EML1: variants seen among roughly 807,000 people sequenced by gnomAD.
EML1 encodes the protein EMAP like 1, also known as echinoderm microtubule-associated protein-like 1.
EML1 carries 27 observed loss-of-function variants against 110.4 expected under a neutral mutation model. The ratio of observed to expected loss-of-function variants is 0.24; its 90% CI spans 0.18 to 0.34. EML1 has a LOEUF of 0.34. Among genes scored for constraint, EML1 ranks in the 10% least tolerant of loss-of-function variants. The pLI is 1.00. For synonymous variants in EML1, 344 were observed against 385.8 expected, an observed-to-expected ratio of 0.89 and a Z score of 1.27; for missense variants, 741 against 1,030.9, an observed-to-expected ratio of 0.72 and a Z score of 3.85.
intron 1 of EML1, among the ~76,000 whole-genome samples, chr14:99,843,120 G>A (rs1231097721): frequency 6.6e-6 from 1 of 152,088 alleles, no homozygotes; most frequent in Non-Finnish European, 1.5e-5. Flanking sequence ...TAGATGTGGT[G>A]GTGTGCATCT....
At chr14:99,917,963 T>C in intron 16 of EML1, 114 bp downstream of exon 16, 1 of 1,001,188 alleles carries the variant, frequency 1.0e-6, no homozygotes, top group Non-Finnish European at 1.5e-6. Context: ...GTTCGAAGCT[T>C]CTAATGACTT....
chr14:99,898,662 G>GA (rs1454254192), intron 8 of EML1, among the ~76,000 whole-genome samples: 2 of 150,920 alleles, frequency 1.3e-5, no homozygotes, highest in East Asian at 3.9e-4. Flanking sequence ...TGAAGCAGGA[G>GA]AATCACTTGA....
In EML1 at chr14:99,922,393, G is replaced by T. The variant is rs555658918; in HGVS notation, c.1909+1516G>T. Among the ~76,000 whole-genome samples, 174 of 152,258 alleles carry T rather than the reference G, an allele frequency of 1.1e-3. 1 individual carries two copies. The highest frequency in any genetic ancestry group is 4.1e-3 in the Admixed American group (62 of 15,298). Reference sequence around the variant, plus strand: ...GGCCTCCCAAAGTGCTGGGTTTACAGGCGTGAGCCACCGCACCCTGGCCTT... The same window carrying T: ...GGCCTCCCAAAGTGCTGGGTTTACATGCGTGAGCCACCGCACCCTGGCCTT... On this transcript the variant is annotated intron_variant, in intron 17 of 21. Transcript: ENST00000262233.
intron 1 of EML1, among the ~76,000 whole-genome samples, chr14:99,804,972 A>G (rs1377271110): frequency 6.6e-6 from 1 of 152,050 alleles, no homozygotes; most frequent in Non-Finnish European, 1.5e-5. Flanking sequence ...GTAGCTTCTG[A>G]AGGTGCCAGG....
chr14:99,881,695 G>A (rs928690186), intron 4 of EML1, among the ~76,000 whole-genome samples: 1 of 151,602 alleles, frequency 6.6e-6, no homozygotes, highest in African/African-American at 2.4e-5. Flanking sequence ...CTGCCTCTTG[G>A]GTTCAAGAGA....
At chr14:99,819,209 C>T (rs548328546) in intron 1 of EML1, among the ~76,000 whole-genome samples, 39 of 152,234 alleles carry the variant, frequency 2.6e-4, no homozygotes, top group African/African-American at 8.9e-4. Flanking sequence ...TTCACCTTGG[C>T]CTCCCAAGGT....
intron 2 of EML1, among the ~76,000 whole-genome samples, chr14:99,853,459 C>T (rs1434620277): frequency 1.3e-5 from 2 of 151,936 alleles, no homozygotes; most frequent in Non-Finnish European, 2.9e-5. Context: ...ATCTTTGAGG[C>T]AGCTGCCACG....
At chr14:99,841,916 G>A (rs4905903) in intron 1 of EML1, among the ~76,000 whole-genome samples, 103,401 of 152,044 alleles carry the variant, frequency 0.68, 35,255 homozygotes, top group Non-Finnish European at 0.7. Context: ...CAGCCCAACC[G>A]GAGCTCCAGT....
chr14:99,797,645 A>C (rs988150696), intron 1 of EML1, among the ~76,000 whole-genome samples: 1 of 152,238 alleles, frequency 6.6e-6, no homozygotes, highest in Non-Finnish European at 1.5e-5. Flanking sequence ...AATGTTGCTC[A>C]TGCATTTCCA....
At chr14:99,873,718 T>C (rs2059242320) in intron 3 of EML1, among the ~76,000 whole-genome samples, 1 of 152,256 alleles carries the variant, frequency 6.6e-6, no homozygotes, top group Non-Finnish European at 1.5e-5. Flanking sequence ...GAAAAATGAC[T>C]TGGATTTTGC....
chr14:99,758,700 C>T (rs1420035531), intron 1 of EML1, among the ~76,000 whole-genome samples: 1 of 152,144 alleles, frequency 6.6e-6, no homozygotes, highest in Non-Finnish European at 1.5e-5. Flanking sequence ...CACAGCGGGT[C>T]CTCATAAATT....
intron 1 of EML1, among the ~76,000 whole-genome samples, chr14:99,782,090 G>C (rs1397773473): frequency 6.6e-6 from 1 of 152,176 alleles, no homozygotes; most frequent in African/African-American, 2.4e-5. Flanking sequence ...CCTGTCCCCA[G>C]CCAGGGTGTC....
chr14:99,862,966 C>T (rs1323152450), intron 2 of EML1, among the ~76,000 whole-genome samples: 1 of 152,142 alleles, frequency 6.6e-6, no homozygotes, highest in East Asian at 1.9e-4. Flanking sequence ...TTTATACTTA[C>T]ATGTCTGCAT....
chr14:99,750,018 G>T (rs868435808), intron 1 of EML1, among the ~76,000 whole-genome samples: 1 of 152,234 alleles, frequency 6.6e-6, no homozygotes, highest in African/African-American at 2.4e-5. Context: ...GTGTCCTCCC[G>T]CGAGGTTGGC....
At chr14:99,911,674 GT>G in intron 13 of EML1, 98 bp downstream of exon 13, 1 of 1,393,820 alleles carries the variant, frequency 7.2e-7, no homozygotes, top group South Asian at 1.4e-5. Context: ...TTTGAAAATT[GT>G]TTAGGTGAAA....
intron 2 of EML1, among the ~76,000 whole-genome samples, chr14:99,857,007 C>T (rs765656700): frequency 3.3e-5 from 5 of 152,198 alleles, no homozygotes; most frequent in Non-Finnish European, 5.9e-5. Flanking sequence ...CATGGTGGCT[C>T]ATGCCTGTAA....
At position 99,936,668 on chromosome 14, in the gene EML1, C is replaced by T. The variant is rs908733272; in HGVS notation, c.2095+334C>T. Among the ~76,000 whole-genome samples, 2 of 151,938 alleles carry T rather than the reference C, an allele frequency of 1.3e-5. No homozygotes were observed. The highest frequency in any genetic ancestry group is 2.1e-4 in the South Asian group (1 of 4,820). ...TGGATGTGGCCGAAGTGGGTGGGTC[C>T]GGAGCTGTCCAGGCAGGAGGAGGGC... On this transcript the variant is annotated intron_variant, in intron 19 of 21. Transcript: ENST00000262233. This position sits in a 1 kb window ranked among gnomAD's most constrained non-coding sequence, Gnocchi z 5.5.
chr14:99,879,389 T>TTTA (rs1360795896), intron 4 of EML1, among the ~76,000 whole-genome samples: 3 of 152,222 alleles, frequency 2.0e-5, no homozygotes, highest in Non-Finnish European at 4.4e-5. Context: ...TTATTCTCTC[T>TTTA]GTTTAGTAAA....
chr14:99,861,736 C>G (rs1409258578), intron 2 of EML1, among the ~76,000 whole-genome samples: 1 of 152,176 alleles, frequency 6.6e-6, no homozygotes, highest in Non-Finnish European at 1.5e-5. Flanking sequence ...CCTGCCTCAG[C>G]CTCCCAAAGT....
Sources: gnomAD v4.1 joint callset for allele counts (sites outside exome capture counted in the v4.1 genomes callset) on GRCh38, gnomAD v4.1.1 for gene constraint, Gnocchi (gnomAD v3.1) non-coding constraint, MANE v1.5 for transcripts, NCBI Gene and HGNC (gene_info 2026-07-23, HGNC 2026-07-21) for gene names.